The following LSAMP variants were observed in gnomAD, a reference collection of about 807,000 sequenced individuals.
LSAMP encodes the protein limbic system-associated membrane protein.
LSAMP carries 7 observed loss-of-function variants against 38.6 expected under a neutral mutation model. The ratio of observed to expected loss-of-function variants is 0.18; its 90% confidence interval spans 0.10 to 0.34. The LOEUF is 0.34. Among genes scored for constraint, LSAMP ranks in the 10% least tolerant of loss-of-function variants. The pLI, the probability that LSAMP is intolerant of heterozygous loss-of-function variation, is 1.00. For missense variants in LSAMP, 313 were observed against 420.0 expected (o/e 0.75, Z 2.23); for synonymous variants, 154 against 166.8 (o/e 0.92, Z 0.59).
chr3:115,957,930 C>T (rs1358295339), intron 3 of LSAMP, among the ~76,000 whole-genome samples: 1 of 152,088 alleles, frequency 6.6e-6, no homozygotes, highest in African/African-American at 2.4e-5. Flanking sequence ...GTTTGCTGCT[C>T]AGGTTTCCCA....
intron 3 of LSAMP, among the ~76,000 whole-genome samples, chr3:115,859,162 G>T (rs1417304378): frequency 6.6e-6 from 1 of 152,132 alleles, no homozygotes; most frequent in African/African-American, 2.4e-5. Flanking sequence ...CTTAGTGTTT[G>T]ACAATGTTGC....
intron 4 of LSAMP, among the ~76,000 whole-genome samples, chr3:115,847,479 T>C (rs1217309255): frequency 6.6e-6 from 1 of 152,190 alleles, no homozygotes; most frequent in Non-Finnish European, 1.5e-5. Context: ...CAATACACCT[T>C]CCAATTTGGT....
chr3:116,331,068 C>A (rs1179969975), intron 1 of LSAMP, among the ~76,000 whole-genome samples: 2 of 151,402 alleles, frequency 1.3e-5, no homozygotes, highest in Non-Finnish European at 2.9e-5. Context: ...AATAGCAAAC[C>A]TAAAAATAAA....
chr3:116,236,585 T>C (rs1397774124), intron 1 of LSAMP, among the ~76,000 whole-genome samples: 1 of 152,018 alleles, frequency 6.6e-6, no homozygotes, highest in Non-Finnish European at 1.5e-5. Context: ...CCCCAGGCTA[T>C]AAAATTAGGT....
Position 116,104,398 on chromosome 3 carries a change from T to TAAA in LSAMP, c.156-17845_156-17843dup, listed in dbSNP as rs375580353. Among the ~76,000 whole-genome samples the TAAA allele has an allele frequency of 8.9e-3, 1,242 of 139,974 alleles. 17 individuals carry two copies. Among genetic ancestry groups the TAAA allele is most frequent in the African/African-American group, 0.029 (1,114 of 38,608 alleles). The allele number at this position is 139,974 out of a possible 152,430, so 91.8% of individuals were successfully genotyped here. A position where few individuals can be genotyped will look rare whatever the true frequency, so the allele number is the denominator to read the frequency against. ...GATGCAACCCTGCCCAAGGCAATGT[T>TAAA]AAAAAAAAAAAAAAAATCAACCACC... On this transcript the variant is annotated intron_variant, in intron 1 of 6. Coordinates refer to ENST00000490035, the MANE Select transcript of LSAMP (RefSeq NM_002338.5).
chr3:115,876,560 C>A (rs1012817083), intron 3 of LSAMP, among the ~76,000 whole-genome samples: 7 of 152,036 alleles, frequency 4.6e-5, no homozygotes, highest in Admixed American at 4.6e-4. Flanking sequence ...TATTAAAATT[C>A]TGCCACAGGT....
chr3:116,397,551 CTGAAATTTCTG>C (rs1219592565), intron 1 of LSAMP, among the ~76,000 whole-genome samples: 2 of 152,106 alleles, frequency 1.3e-5, no homozygotes, highest in African/African-American at 4.8e-5. Context: ...TTCGTGAGGA[CTGAAATTTCTG>C]TGTGTTTTGT....
intron 1 of LSAMP, among the ~76,000 whole-genome samples, chr3:116,421,132 C>A (rs1359221487): frequency 1.3e-5 from 2 of 152,090 alleles, no homozygotes; most frequent in Non-Finnish European, 2.9e-5. Context: ...GCAAAAAGTT[C>A]TTAGCTACAA....
At chr3:116,387,591 T>G (rs2163504) in intron 1 of LSAMP, among the ~76,000 whole-genome samples, 128,321 of 152,100 alleles carry the variant, frequency 0.84, 54,412 homozygotes, top group East Asian at 0.95. Flanking sequence ...AATTGAAGCA[T>G]GAAAGCAGTG....
At chr3:115,887,157 T>C (rs1936475829) in intron 3 of LSAMP, among the ~76,000 whole-genome samples, 1 of 151,924 alleles carries the variant, frequency 6.6e-6, no homozygotes, top group Non-Finnish European at 1.5e-5. Context: ...ATAATTTTCA[T>C]GTTTTAGCAA....
At chr3:116,300,324 G>A (rs1269013767) in intron 1 of LSAMP, among the ~76,000 whole-genome samples, 3 of 152,182 alleles carry the variant, frequency 2.0e-5, no homozygotes, top group Non-Finnish European at 4.4e-5. Flanking sequence ...AGTTCCCAAG[G>A]GTTTGAACCT....
At chr3:116,427,316 T>G (rs1453535783) in intron 1 of LSAMP, among the ~76,000 whole-genome samples, 1 of 151,350 alleles carries the variant, frequency 6.6e-6, no homozygotes, top group African/African-American at 2.4e-5. Flanking sequence ...GAGACGGGGT[T>G]TCACCTTGTT....
intron 1 of LSAMP, among the ~76,000 whole-genome samples, chr3:116,336,101 A>G (rs1339588928): frequency 6.6e-6 from 1 of 151,984 alleles, no homozygotes; most frequent in Non-Finnish European, 1.5e-5. Context: ...ATATCATATA[A>G]AAATTAACTC....
chr3:116,047,702 C>T (rs887809612), intron 2 of LSAMP, among the ~76,000 whole-genome samples: 1 of 152,184 alleles, frequency 6.6e-6, no homozygotes, highest in Non-Finnish European at 1.5e-5. Flanking sequence ...TGTGTGCCAA[C>T]TGGACCCTGT....
At chr3:116,144,011 T>C (rs1368936299) in intron 1 of LSAMP, among the ~76,000 whole-genome samples, 3 of 152,048 alleles carry the variant, frequency 2.0e-5, no homozygotes, top group South Asian at 4.1e-4. Flanking sequence ...TTTTTGATGA[T>C]AAATTTTGCT....
intron 1 of LSAMP, among the ~76,000 whole-genome samples, chr3:116,368,448 T>C (rs2048384867): frequency 6.6e-6 from 1 of 152,200 alleles, no homozygotes; most frequent in Non-Finnish European, 1.5e-5. Context: ...AAGTTATTAA[T>C]ATCCATTGCT....
chr3:116,160,032 C>A (rs933141993), intron 1 of LSAMP, among the ~76,000 whole-genome samples: 3 of 152,078 alleles, frequency 2.0e-5, no homozygotes, highest in African/African-American at 7.2e-5. Flanking sequence ...ACAATGAGTA[C>A]ACATGGACAC....
intron 3 of LSAMP, among the ~76,000 whole-genome samples, chr3:115,865,592 C>T (rs1935835598): frequency 6.6e-6 from 1 of 152,156 alleles, no homozygotes; most frequent in Non-Finnish European, 1.5e-5. Flanking sequence ...AAACTGTGAT[C>T]CATGGACCAC....
chr3:116,374,394 C>T (rs1034756832), intron 1 of LSAMP, among the ~76,000 whole-genome samples: 2 of 151,808 alleles, frequency 1.3e-5, no homozygotes, highest in African/African-American at 4.8e-5. Flanking sequence ...TCCATAAGAA[C>T]GATGCCATTT....
Sources: gnomAD v4.1 joint callset for allele counts (sites outside exome capture counted in the v4.1 genomes callset) on GRCh38, gnomAD v4.1.1 for gene constraint, MANE v1.5 for transcripts, NCBI Gene and HGNC (gene_info 2026-07-23, HGNC 2026-07-21) for gene names.